ACTN4: variants seen among roughly 807,000 people sequenced by gnomAD.
The protein encoded by ACTN4 is alpha-actinin-4.
A neutral mutation model predicts 114.2 loss-of-function variants in ACTN4; 18 were observed. The ratio of observed to expected loss-of-function variants is 0.16; its 90% CI spans 0.11 to 0.23. The LOEUF is 0.23. ACTN4 is among the 10% of genes least tolerant of loss of function. The pLI, the probability that ACTN4 is intolerant of heterozygous loss-of-function variation, is 1.00. For synonymous variants in ACTN4, 515 were observed against 506.3 expected (o/e 1.02, Z -0.23); for missense variants, 722 against 1,262.9 (o/e 0.57, Z 6.49).
chr19:38,690,913 A>G (rs2144956246), intron 1 of ACTN4, among the ~76,000 whole-genome samples: 1 of 152,338 alleles, frequency 6.6e-6, no homozygotes, highest in Admixed American at 6.5e-5. Flanking sequence ...AGAGGGAGAG[A>G]AAGAAAAGCT....
intron 1 of ACTN4, among the ~76,000 whole-genome samples, chr19:38,676,021 C>T (rs183357247): frequency 4.5e-4 from 68 of 152,316 alleles, no homozygotes; most frequent in African/African-American, 1.6e-3. Flanking sequence ...TTCTCTTTTA[C>T]AAAATGGGGC....
chr19:38,694,246 A>G (rs899079077), intron 1 of ACTN4, among the ~76,000 whole-genome samples: 9 of 147,190 alleles, frequency 6.1e-5, no homozygotes, highest in Admixed American at 1.4e-4. Flanking sequence ...TTGGGGACCA[A>G]GGGTGGGCTG....
At chr19:38,704,902 CT>C (rs1968405026) in intron 3 of ACTN4, 31 bp from the exon 4 acceptor site, 2 of 1,604,908 alleles carry the variant, frequency 1.2e-6, no homozygotes, top group East Asian at 4.5e-5. Flanking sequence ...TTTTAACGAC[CT>C]TCTGCCCTCT....
At chr19:38,649,791 A>G (rs1287030646) in intron 1 of ACTN4, among the ~76,000 whole-genome samples, 1 of 152,038 alleles carries the variant, frequency 6.6e-6, no homozygotes, top group African/African-American at 2.4e-5. Flanking sequence ...AAGGGTGGGA[A>G]GGGTGGAAGG....
At chr19:38,677,178 C>T (rs1208009089) in intron 1 of ACTN4, among the ~76,000 whole-genome samples, 1 of 151,912 alleles carries the variant, frequency 6.6e-6, no homozygotes, top group African/African-American at 2.4e-5. Flanking sequence ...CACCTCCAGC[C>T]TAGGTTAGGA....
Position 38,662,909 on chromosome 19 carries a change from GT to G in ACTN4, c.162+15017del, listed in dbSNP as rs377341870. ...AGGGGCTGCTGAGCAAAGTGGGTCT[GT>G]TTTTTTTTTTTTTTAAAGACAGAGT... On this transcript the variant is annotated intron_variant, in intron 1 of 20. Transcript: ENST00000252699. Among the ~76,000 whole-genome samples, 1,055 of 142,110 alleles carry G rather than the reference GT, an allele frequency of 7.4e-3. 3 individuals are homozygous for G. Among genetic ancestry groups the G allele is most frequent in the South Asian group, 0.013 (59 of 4,388 alleles). 93.2% of individuals were successfully genotyped at this position (142,110 alleles called of 152,430 possible).
Position 38,699,009 on chromosome 19 carries a change from C to A in ACTN4, c.163-1591C>A, listed in dbSNP as rs544191128. On this transcript the variant is annotated intron_variant, in intron 1 of 20. Coordinates refer to ENST00000252699, the MANE Select transcript of ACTN4 (RefSeq NM_004924.6). ...GGCGTGGAATGTGCTCTTGTGTGTC[C>A]CTGGCTGTCTGCTTGCTTCTACACT... 2.0e-5 allele frequency among the ~76,000 whole-genome samples: 3 copies of A among 152,336 alleles called. No individual in the cohort carries two copies. In the East Asian group the frequency reaches 5.8e-4, roughly 29 times the overall value.
At chr19:38,728,882 C>A in intron 19 of ACTN4, 114 bp from the exon 20 acceptor site, 1 of 1,356,578 alleles carries the variant, frequency 7.4e-7, no homozygotes, top group Non-Finnish European at 1.0e-6. Flanking sequence ...CGCACGCACA[C>A]GTGGGTTGGG....
intron 8 of ACTN4, chr19:38,710,733 A>G: frequency 2.9e-6 from 1 of 346,124 alleles, no homozygotes; most frequent in Non-Finnish European, 5.7e-6. Flanking sequence ...GGGTGAAGTG[A>G]GCAGGTACTT....
chr19:38,661,502 C>T (rs1224803553), intron 1 of ACTN4, among the ~76,000 whole-genome samples: 2 of 152,184 alleles, frequency 1.3e-5, no homozygotes, highest in Admixed American at 6.5e-5. Flanking sequence ...CCTTTGGTCC[C>T]ATCAAGAGGC....
intron 8 of ACTN4, among the ~76,000 whole-genome samples, chr19:38,713,102 A>G (rs1296504949): frequency 6.6e-6 from 1 of 152,176 alleles, no homozygotes; most frequent in African/African-American, 2.4e-5. Flanking sequence ...AGCTCTTGCA[A>G]GAGTGCTCTC....
At chr19:38,674,105 C>T (rs1252731628) in intron 1 of ACTN4, among the ~76,000 whole-genome samples, 1 of 151,966 alleles carries the variant, frequency 6.6e-6, no homozygotes, top group Non-Finnish European at 1.5e-5. Context: ...AGGAAAAGAC[C>T]AGAGTCCTTT....
chr19:38,707,301 A>G (rs1022841472), intron 5 of ACTN4, among the ~76,000 whole-genome samples: 3 of 151,754 alleles, frequency 2.0e-5, no homozygotes, highest in African/African-American at 7.3e-5. Flanking sequence ...ATACAGTGGC[A>G]CCCAAACAAA....
chr19:38,674,173 T>G (rs1426196691), intron 1 of ACTN4, among the ~76,000 whole-genome samples: 1 of 152,040 alleles, frequency 6.6e-6, no homozygotes, highest in Non-Finnish European at 1.5e-5. Flanking sequence ...GGGGAGACTT[T>G]CCAAGATGAT....
chr19:38,723,873 C>T, intron 13 of ACTN4, 64 bp from the exon 14 acceptor site: 2 of 1,580,294 alleles, frequency 1.3e-6, no homozygotes, highest in Non-Finnish European at 1.7e-6. Flanking sequence ...CCCTCCCCAC[C>T]CCTCCTGCTC....
rs756768920 is a variant in ACTN4 at position 38,709,457 on chromosome 19, C to T, written c.714C>T (p.Pro238=). ...FEVAEKYLDI[P]KMLDAEDIVN... ...TGGCTGAGAAATACCTCGACATCCC[C>T]AAGATGCTGGATGCAGAGGGTAAGT... Residue 238 remains proline (P), a synonymous_variant, in exon 7 of 21, where the codon CCC becomes CCT. Transcript: ENST00000252699. 53 of 1,613,950 alleles carry T rather than the reference C, an allele frequency of 3.3e-5. No homozygotes were observed. Among genetic ancestry groups the T allele is most frequent in the Non-Finnish European group, 4.2e-5 (49 of 1,179,898 alleles).
intron 1 of ACTN4, among the ~76,000 whole-genome samples, chr19:38,674,202 GGAGGGA>G (rs879372089): frequency 1.3e-5 from 2 of 152,116 alleles, no homozygotes; most frequent in Non-Finnish European, 2.9e-5. Flanking sequence ...AGTGAGGCCT[GGAGGGA>G]GAGTTAGAGC....
Position 38,729,381 on chromosome 19 carries a change from C to T in ACTN4, c.2685C>T (p.Ala895=). The T allele has an allele frequency of 6.2e-7, 1 of 1,612,808 alleles. No homozygotes were observed. The highest frequency in any genetic ancestry group is 1.7e-4 in the Middle Eastern group (1 of 6,056). Residue 895 remains alanine (A), a synonymous_variant, in exon 21 of 21, where the codon GCC becomes GCT. Transcript: ENST00000252699. Reference sequence around the variant, plus strand: ...AGGGCCCTGACGCCGTGCCCGGTGCCCTCGACTACAAGTCCTTCTCCACGG... The same window carrying T: ...AGGGCCCTGACGCCGTGCCCGGTGCTCTCGACTACAAGTCCTTCTCCACGG... ...PYQGPDAVPG[A]LDYKSFSTAL...
chr19:38,729,119 G>T lies in ACTN4; in HGVS notation c.2542G>T (p.Val848Phe), dbSNP rs745982264. The T allele has an allele frequency of 6.2e-7, 1 of 1,613,314 alleles. No homozygotes were observed. The highest frequency in any genetic ancestry group is 8.5e-7 in the Non-Finnish European group (1 of 1,180,006). Residue 848 changes from valine to phenylalanine, a missense_variant, in exon 20 of 21, where the codon GTC becomes TTC. By Grantham distance (50) the Val-to-Phe change is conservative. This residue lies in a region of ACTN4 where 523 missense variants were observed against 875.9 expected (regional missense o/e 0.60). Coordinates refer to ENST00000252699, the MANE Select transcript of ACTN4 (RefSeq NM_004924.6). ...ETTDTDTADQVIASFKVLAGD... is the reference protein window; with the variant it reads ...ETTDTDTADQFIASFKVLAGD... ...CACCGACACGGACACGGCTGACCAG[G>T]TCATCGCTTCCTTCAAGGTCTTAGC...
Sources: allele counts gnomAD v4.1 joint callset (sites outside exome capture counted in the v4.1 genomes callset), GRCh38; gene constraint gnomAD v4.1.1; regional missense constraint gnomAD v4.1.1; transcripts MANE v1.5; gene names NCBI Gene and HGNC (gene_info 2026-07-23, HGNC 2026-07-21).